C12orf42: variants seen among roughly 807,000 people sequenced by gnomAD.
C12orf42 encodes the protein uncharacterized protein C12orf42.
A neutral mutation model predicts 21.6 loss-of-function variants in C12orf42; 25 were observed. The ratio of observed to expected loss-of-function variants is 1.16; its 90% CI spans 0.84 to 1.62. The LOEUF is 1.62. Ranked by LOEUF, C12orf42 falls within the 40% of genes most tolerant of loss-of-function variation. The probability of loss-of-function intolerance (pLI) is 0.00; values close to 1 mark genes in which losing one functional copy is unlikely to be tolerated. For missense variants in C12orf42, 483 were observed against 459.3 expected (o/e 1.05, Z -0.47); for synonymous variants, 174 against 175.0 (o/e 0.99, Z 0.05).
chr12:103,227,278 G>A, the C12orf42 span, among the ~76,000 whole-genome samples: 596 of 152,040 alleles, frequency 3.9e-3, 4 homozygotes, highest in African/African-American at 0.013. Flanking sequence ...AGGTCGGGGC[G>A]TGGAAATAAG....
chr12:103,437,164 A>G (rs1307563384), intron 2 of C12orf42, among the ~76,000 whole-genome samples: 1 of 151,636 alleles, frequency 6.6e-6, no homozygotes, highest in Non-Finnish European at 1.5e-5. Flanking sequence ...TACTGGATAC[A>G]TAATGAAATG....
chr12:103,380,740 A>G (rs1483464564), intron 3 of C12orf42, among the ~76,000 whole-genome samples: 1 of 152,256 alleles, frequency 6.6e-6, no homozygotes, highest in Non-Finnish European at 1.5e-5. Flanking sequence ...ATAAACTAAC[A>G]GCAACTAACA....
intron 3 of C12orf42, among the ~76,000 whole-genome samples, chr12:103,381,215 A>G (rs1481943056): frequency 2.6e-5 from 4 of 152,234 alleles, no homozygotes; most frequent in Non-Finnish European, 4.4e-5. Flanking sequence ...TCAAACAGGA[A>G]CAATGTTCCC....
intron 2 of C12orf42, among the ~76,000 whole-genome samples, chr12:103,427,958 G>C (rs1949973888): frequency 6.6e-6 from 1 of 152,142 alleles, no homozygotes; most frequent in African/African-American, 2.4e-5. Flanking sequence ...CAGAATCTCT[G>C]GGACACAGCT....
At chr12:103,150,830 C>A in the C12orf42 span, among the ~76,000 whole-genome samples, 1 of 152,196 alleles carries the variant, frequency 6.6e-6, no homozygotes, top group Admixed American at 6.5e-5. Context: ...TGGACTGACT[C>A]ATATACATAT....
chr12:103,234,561 A>G (rs1482287947), downstream of C12orf42, among the ~76,000 whole-genome samples: 1 of 152,198 alleles, frequency 6.6e-6, no homozygotes, highest in Non-Finnish European at 1.5e-5. Flanking sequence ...TGCCTAGTGT[A>G]CTGGGGGATC....
the C12orf42 span, among the ~76,000 whole-genome samples, chr12:103,552,714 T>C: frequency 2.0e-5 from 3 of 152,278 alleles, no homozygotes; most frequent in Non-Finnish European, 4.4e-5. Context: ...CTTGGCACTA[T>C]TGATATTTGA....
In C12orf42 at chr12:103,419,915, C is replaced by A. The variant is rs1205894125; in HGVS notation, c.79-18240G>T. Among the ~76,000 whole-genome samples, 4 of 152,110 alleles carry A rather than the reference C, an allele frequency of 2.6e-5. No homozygotes were observed. In the East Asian group the frequency reaches 5.8e-4, roughly 22 times the overall value. ...AATGTGTGCAAAGGGTTTTCTATAA[C>A]AAAAAAATTCCACAACTGTGATTAA... On this transcript the variant is annotated intron_variant, in intron 2 of 5. Transcript: ENST00000548883.
the C12orf42 span, among the ~76,000 whole-genome samples, chr12:103,193,410 A>T: frequency 6.6e-6 from 1 of 151,736 alleles, no homozygotes; most frequent in African/African-American, 2.4e-5. Context: ...AAATAAATAA[A>T]GGATAAAAAA....
intron 4 of C12orf42, among the ~76,000 whole-genome samples, chr12:103,365,101 C>A (rs1283221391): frequency 6.6e-6 from 1 of 152,026 alleles, no homozygotes; most frequent in Non-Finnish European, 1.5e-5. Flanking sequence ...CCAGATCCAA[C>A]AGCATATCAA....
chr12:103,057,536 C>CT, the C12orf42 span, among the ~76,000 whole-genome samples: 2 of 152,086 alleles, frequency 1.3e-5, no homozygotes, highest in Non-Finnish European at 1.5e-5. Flanking sequence ...TGATCTCATT[C>CT]TTTTTTGTGG....
At chr12:103,110,858 C>A in the C12orf42 span, among the ~76,000 whole-genome samples, 1 of 152,180 alleles carries the variant, frequency 6.6e-6, no homozygotes, top group African/African-American at 2.4e-5. Flanking sequence ...ATCCTGGAAC[C>A]ACTAATTGTT....
the C12orf42 span, among the ~76,000 whole-genome samples, chr12:103,119,033 T>C: frequency 6.6e-6 from 1 of 152,114 alleles, no homozygotes; most frequent in East Asian, 1.9e-4. Flanking sequence ...CTCAAAAATG[T>C]TTTGTCTTAG....
the C12orf42 span, among the ~76,000 whole-genome samples, chr12:103,089,646 TG>T: frequency 6.6e-6 from 1 of 151,946 alleles, no homozygotes; most frequent in Non-Finnish European, 1.5e-5. Context: ...TGTGTGTGTG[TG>T]TGTGTGTTAA....
intron 10 of C12orf42, among the ~76,000 whole-genome samples, chr12:103,261,476 CAAA>C (rs200549825): frequency 0.017 from 1,354 of 78,820 alleles, 23 homozygotes; most frequent in African/African-American, 0.04. Context: ...GAGACTCTTT[CAAA>C]AAAAAAAAAA....
the C12orf42 span, among the ~76,000 whole-genome samples, chr12:103,551,950 T>G: frequency 6.6e-6 from 1 of 152,200 alleles, no homozygotes; most frequent in East Asian, 1.9e-4. Context: ...AAGTGAGATT[T>G]ATACAGACTT....
chr12:103,471,380 G>T (rs951343386), intron 2 of C12orf42, among the ~76,000 whole-genome samples: 2 of 151,998 alleles, frequency 1.3e-5, no homozygotes, highest in Non-Finnish European at 2.9e-5. Context: ...CTCATAATTC[G>T]TACCCACATC....
intron 2 of C12orf42, among the ~76,000 whole-genome samples, chr12:103,475,431 A>C (rs1033291629): frequency 6.6e-6 from 1 of 152,238 alleles, no homozygotes; most frequent in Non-Finnish European, 1.5e-5. Context: ...TGTGAGGCCC[A>C]ATCTGATTGT....
chr12:103,256,395 T>C (rs1554394), intron 10 of C12orf42, among the ~76,000 whole-genome samples: 13,919 of 149,684 alleles, frequency 0.093, 683 homozygotes, highest in East Asian at 0.19. Flanking sequence ...GGCAACAAGG[T>C]ATGTGCCCTG....
Sources: gnomAD v4.1 joint callset for allele counts (sites outside exome capture counted in the v4.1 genomes callset) on GRCh38, gnomAD v4.1.1 for gene constraint, MANE v1.5 for transcripts, NCBI Gene and HGNC (gene_info 2026-07-23, HGNC 2026-07-21) for gene names.